ATP6V0A2: variants seen among roughly 807,000 people sequenced by gnomAD.
ATP6V0A2 encodes V-type proton ATPase 116 kDa subunit a 2.
ATP6V0A2 carries 58 observed loss-of-function variants against 104.4 expected under a neutral mutation model. The ratio of observed to expected loss-of-function variants is 0.56; its 90% CI spans 0.45 to 0.69. The LOEUF (loss-of-function observed/expected upper bound fraction) is 0.69. Ranked by LOEUF, ATP6V0A2 falls within the 30% of genes least tolerant of loss-of-function variation. ATP6V0A2 has a pLI of 0.00. For missense variants in ATP6V0A2, 938 were observed against 1,062.9 expected (o/e 0.88, Z 1.63); for synonymous variants, 376 against 397.9 (o/e 0.95, Z 0.65).
In ATP6V0A2 at chr12:123,748,765, A is replaced by G; in HGVS notation, c.1915A>G (p.Ser639Gly). ...NMFLFPASKT[S>G]GLYTGQEYVQ... ...GTTTTTATTCCCAGCCAGTAAAACA[A>G]GTGGCCTTTACACAGGGCAGGTGAG... Residue 639 changes from serine (S) to glycine (G), a missense_variant, in exon 15 of 20, where the codon AGT (serine) becomes GGT (glycine). By Grantham distance (56) the Ser-to-Gly change is moderately conservative. Transcript: ENST00000330342. 6.2e-7 allele frequency: 1 copy of G among 1,614,166 alleles called. No individual in the cohort carries two copies. Among genetic ancestry groups the G allele is most frequent in the African/African-American group, 1.3e-5 (1 of 75,058 alleles).
Position 123,751,343 on chromosome 12 carries a change from A to G in ATP6V0A2, c.2055+114A>G, listed in dbSNP as rs7956769. 0.031 allele frequency: 46,539 copies of G among 1,505,650 alleles called. 2,043 individuals are homozygous for G. Among genetic ancestry groups the G allele is most frequent in the African/African-American group, 0.2 (14,644 of 72,522 alleles). 93.3% of individuals were successfully genotyped at this position (1,505,650 alleles called of 1,614,324 possible). ...GTCCCTGTCTCTTGATTTAAAAGCC[A>G]AAGCTCCCTTTATTTAAAACATTGA... On this transcript the variant is annotated intron_variant, in intron 16 of 19. Coordinates refer to ENST00000330342, the MANE Select transcript of ATP6V0A2 (RefSeq NM_012463.4).
Position 123,718,472 on chromosome 12 carries a change from A to G in ATP6V0A2, c.118-151A>G, listed in dbSNP as rs528514180. ...AGGCTTTTTTGGTAACAGTTGACAA[A>G]TTGCTCTCAAGAAAAGTTGTGTCAG... On this transcript the variant is annotated intron_variant, in intron 1 of 19. Transcript: ENST00000330342. 4 of 596,182 alleles carry G rather than the reference A, an allele frequency of 6.7e-6. No homozygotes were observed. In the East Asian group the frequency reaches 1.2e-4, roughly 18 times the overall value. The allele number at this position is 596,182 out of a possible 1,614,324, so 36.9% of individuals were successfully genotyped here.
At chr12:123,735,248 G>T (rs749230708) in intron 7 of ATP6V0A2, among the ~76,000 whole-genome samples, 1 of 151,998 alleles carries the variant, frequency 6.6e-6, no homozygotes, top group Non-Finnish European at 1.5e-5. Context: ...CAAGGACATT[G>T]TTGAATTTTA....
Position 123,752,808 on chromosome 12 carries a change from G to A in ATP6V0A2, c.2175+406G>A, listed in dbSNP as rs76374681. On this transcript the variant is annotated intron_variant, in intron 17 of 19. Transcript: ENST00000330342. ...CAGGACAGAGGTAGAGTTGGTTTCAGGATAATTACAGTTTTGGGGTCTCCA... is the reference window on the plus strand; with the variant it reads ...CAGGACAGAGGTAGAGTTGGTTTCAAGATAATTACAGTTTTGGGGTCTCCA... 4.9e-3 allele frequency among the ~76,000 whole-genome samples: 745 copies of A among 152,268 alleles called. 7 individuals are homozygous for A. Among genetic ancestry groups the A allele is most frequent in the African/African-American group, 0.016 (677 of 41,532 alleles).
chr12:123,741,028 G>A (rs1226356215), intron 9 of ATP6V0A2, among the ~76,000 whole-genome samples: 1 of 151,646 alleles, frequency 6.6e-6, no homozygotes, highest in Non-Finnish European at 1.5e-5. Context: ...CATTCTTTCT[G>A]GCATCTTCTC....
At chr12:123,741,483 G>A (rs1399963248) in intron 9 of ATP6V0A2, among the ~76,000 whole-genome samples, 1 of 152,096 alleles carries the variant, frequency 6.6e-6, no homozygotes, top group Non-Finnish European at 1.5e-5. Flanking sequence ...TTCCCAGGCT[G>A]GAGAACAGTG....
intron 6 of ATP6V0A2, among the ~76,000 whole-genome samples, chr12:123,729,962 G>A (rs551283815): frequency 5.3e-5 from 8 of 149,952 alleles, no homozygotes; most frequent in African/African-American, 1.2e-4. Context: ...CTATATAGGC[G>A]TGGACCACCA....
In ATP6V0A2 at chr12:123,756,861, C is replaced by T. The variant is rs201694504; in HGVS notation, c.2340C>T (p.Arg780=). ...CCATGCTGATGCGCGTGGGCCTCCGCGTTGACACCACCTATGGCGTCTTGC... is the reference window on the plus strand; with the variant it reads ...CCATGCTGATGCGCGTGGGCCTCCGTGTTGACACCACCTATGGCGTCTTGC... The part of the protein sequence containing the change: ...LWAMLMRVGL[R]VDTTYGVLLL... The change falls in exon 19 of 20, where the codon CGC becomes CGT. Residue 780 remains arginine, a synonymous_variant. Coordinates refer to ENST00000330342, the MANE Select transcript of ATP6V0A2 (RefSeq NM_012463.4). The T allele has an allele frequency of 2.9e-4, 463 of 1,614,216 alleles. 2 individuals are homozygous for T. In the South Asian group the frequency reaches 3.4e-3, roughly 12 times the overall value.
In ATP6V0A2 at chr12:123,744,449, G is replaced by A; in HGVS notation, c.1326+112G>A. On this transcript the variant is annotated intron_variant, in intron 11 of 19. Coordinates refer to ENST00000330342, the MANE Select transcript of ATP6V0A2 (RefSeq NM_012463.4). This position sits in a 1 kb window ranked among gnomAD's most constrained non-coding sequence, Gnocchi z 5.4. ...TAGGCTGCGGCTGTGCTGGGCAGGT[G>A]TGTGGCCTGTCAGCTGCGGCTGACA... 6.4e-7 allele frequency: 1 copy of A among 1,564,336 alleles called. No homozygotes were observed. Among genetic ancestry groups the A allele is most frequent in the African/African-American group, 1.4e-5 (1 of 73,982 alleles).
intron 4 of ATP6V0A2, 84 bp from the exon 5 acceptor site, chr12:123,726,113 C>A: frequency 9.4e-7 from 1 of 1,068,972 alleles, no homozygotes; most frequent in Non-Finnish European, 1.4e-6. Flanking sequence ...TTAGGATGCC[C>A]TATAAACTTG....
At chr12:123,743,422 G>A (rs1334684099) in intron 9 of ATP6V0A2, among the ~76,000 whole-genome samples, 1 of 152,222 alleles carries the variant, frequency 6.6e-6, no homozygotes, top group Admixed American at 6.5e-5. Flanking sequence ...GGGAGGCTGA[G>A]ACAGGTGGAT....
chr12:123,736,115 C>T (rs763000496), intron 8 of ATP6V0A2, among the ~76,000 whole-genome samples: 8 of 152,002 alleles, frequency 5.3e-5, no homozygotes, highest in Non-Finnish European at 7.4e-5. Flanking sequence ...TCAAATGATC[C>T]GCCCACCTCA....
At chr12:123,718,504 G>GT (rs1192165477) in intron 1 of ATP6V0A2, 119 bp from the exon 2 acceptor site, 2 of 696,098 alleles carry the variant, frequency 2.9e-6, no homozygotes, top group Non-Finnish European at 4.8e-6. Context: ...TCAGTTTATA[G>GT]TTTCATTCAA....
chr12:123,736,872 C>T (rs1230742833), intron 8 of ATP6V0A2, among the ~76,000 whole-genome samples, 187 bp from the exon 9 acceptor site: 3 of 152,138 alleles, frequency 2.0e-5, no homozygotes, highest in African/African-American at 7.2e-5. Flanking sequence ...TTTTTCTGCC[C>T]ACCTCCGAGT....
chr12:123,744,800 C>T lies in ATP6V0A2; in HGVS notation c.1514+16C>T, dbSNP rs1350548103. Reference sequence around the variant, plus strand: ...TGCTTTGGAAGTAAGTGTCCCATAGCTGGTGATGCTCTGGGTGGAAAGCAT... The same window carrying T: ...TGCTTTGGAAGTAAGTGTCCCATAGTTGGTGATGCTCTGGGTGGAAAGCAT... On this transcript the variant is annotated intron_variant, in intron 12 of 19. Coordinates refer to ENST00000330342, the MANE Select transcript of ATP6V0A2 (RefSeq NM_012463.4). This position sits in a 1 kb window ranked among gnomAD's most constrained non-coding sequence, Gnocchi z 5.4. The T allele has an allele frequency of 6.2e-7, 1 of 1,614,096 alleles. No homozygotes were observed. The highest frequency in any genetic ancestry group is 1.3e-5 in the African/African-American group (1 of 74,930).
rs942169313 is a variant in ATP6V0A2, at chr12:123,760,001, A to C, written c.*1969A>C. 6.6e-6 allele frequency: 1 copy of C among 152,228 alleles called. No individual in the cohort carries two copies. Among genetic ancestry groups the C allele is most frequent in the Non-Finnish European group, 1.5e-5 (1 of 68,038 alleles). 9.4% of individuals were successfully genotyped at this position (152,228 alleles called of 1,614,324 possible). On this transcript the variant is annotated 3_prime_UTR_variant, in exon 20 of 20. Transcript: ENST00000330342. ...ATCCCAGCAGTGCTGGTCAGGTCTC[A>C]GAGTTGCTTTCACCTAGAGCTGATG...
chr12:123,747,066 G>A (rs147770866), intron 13 of ATP6V0A2, among the ~76,000 whole-genome samples: 18 of 152,312 alleles, frequency 1.2e-4, no homozygotes, highest in South Asian at 2.1e-4. Context: ...CAGACTGGCC[G>A]GGGCACCGTG....
chr12:123,754,796 C>G, intron 18 of ATP6V0A2: 1 of 506,416 alleles, frequency 2.0e-6, no homozygotes, highest in Non-Finnish European at 3.6e-6. Context: ...AAAAAAAAAT[C>G]ACTGAGACAC....
In ATP6V0A2 at chr12:123,734,001, T is replaced by G. The variant is rs1156999805; in HGVS notation, c.724T>G (p.Cys242Gly). 1 of 1,611,686 alleles carries G rather than the reference T, an allele frequency of 6.2e-7. No homozygotes were observed. The highest frequency in any genetic ancestry group is 1.7e-5 in the Admixed American group (1 of 60,022). Residue 242 changes from cysteine (C) to glycine (G), a missense_variant, in exon 7 of 20, where the codon TGT becomes GGT. By Grantham distance (159) the Cys-to-Gly change is radical (BLOSUM62 -3). Coordinates refer to ENST00000330342, the MANE Select transcript of ATP6V0A2 (RefSeq NM_012463.4). ...EQIGHKVKKI[C>G]DCYHCHVYPY... ...GATTGGCCACAAGGTTAAGAAGATATGTGATTGGTAAGAAAAAGAAACATT... is the reference window on the plus strand; with the variant it reads ...GATTGGCCACAAGGTTAAGAAGATAGGTGATTGGTAAGAAAAAGAAACATT...
Sources: gnomAD v4.1 joint callset for allele counts (sites outside exome capture counted in the v4.1 genomes callset) on GRCh38, gnomAD v4.1.1 for gene constraint, Gnocchi (gnomAD v3.1) non-coding constraint, MANE v1.5 for transcripts, NCBI Gene and HGNC (gene_info 2026-07-23, HGNC 2026-07-21) for gene names.